ASCC3: variants seen among roughly 807,000 people sequenced by gnomAD.
ASCC3 encodes ASC-1 complex subunit P200.
Under a neutral mutation model 256.3 loss-of-function variants are expected in ASCC3, and 158 were observed. The observed-to-expected ratio is 0.62, with a 90% CI of 0.54 to 0.70. The LOEUF (loss-of-function observed/expected upper bound fraction) is 0.70. Among genes scored for constraint, ASCC3 ranks in the 30% least tolerant of loss-of-function variants. The pLI, the probability that ASCC3 is intolerant of heterozygous loss-of-function variation, is 0.00. For missense variants in ASCC3, 2,259 were observed against 2,626.0 expected (o/e 0.86, Z 3.05); for synonymous variants, 948 against 883.4 (o/e 1.07, Z -1.30).
chr6:100,818,815 T>TA (rs1328151451), intron 4 of ASCC3, among the ~76,000 whole-genome samples: 122 of 54,220 alleles, frequency 2.3e-3, no homozygotes, highest in African/African-American at 8.2e-3. Context: ...AAACTACATA[T>TA]AAAAAAAACC....
intron 13 of ASCC3, among the ~76,000 whole-genome samples, chr6:100,703,226 G>A (rs1778426278): frequency 6.6e-6 from 1 of 152,018 alleles, no homozygotes; most frequent in Admixed American, 6.6e-5. Context: ...AAAAACGTAA[G>A]AGGACAATAA....
At chr6:100,798,272 G>T (rs1474914280) in intron 8 of ASCC3, among the ~76,000 whole-genome samples, 1 of 151,956 alleles carries the variant, frequency 6.6e-6, no homozygotes, top group Non-Finnish European at 1.5e-5. Flanking sequence ...TAATATTCAT[G>T]CCAATTTTCC....
intron 8 of ASCC3, among the ~76,000 whole-genome samples, chr6:100,768,322 A>C (rs1781763085): frequency 6.6e-6 from 1 of 152,152 alleles, no homozygotes; most frequent in Admixed American, 6.5e-5. Flanking sequence ...AGAGCGGTTA[A>C]ATAATTTTTA....
At chr6:100,852,115 C>A (rs1363652233) in intron 3 of ASCC3, among the ~76,000 whole-genome samples, 3 of 152,176 alleles carry the variant, frequency 2.0e-5, no homozygotes, top group African/African-American at 7.2e-5. Context: ...AAGGATGCAC[C>A]ACAGCTTGCT....
intron 36 of ASCC3, among the ~76,000 whole-genome samples, chr6:100,544,017 C>G (rs913968243): frequency 2.8e-4 from 43 of 152,142 alleles, no homozygotes; most frequent in African/African-American, 9.9e-4. Flanking sequence ...CAATGACAGA[C>G]AGATCTCTGG....
chr6:100,678,752 G>T (rs570601783), intron 14 of ASCC3, among the ~76,000 whole-genome samples: 2 of 151,972 alleles, frequency 1.3e-5, no homozygotes, highest in Non-Finnish European at 2.9e-5. Flanking sequence ...TACTTTTTCT[G>T]CAAAGAAACA....
chr6:100,805,612 A>T, intron 5 of ASCC3, 148 bp downstream of exon 5: 1 of 1,007,546 alleles, frequency 9.9e-7, no homozygotes, highest in Non-Finnish European at 1.4e-6. Context: ...TTTTCATAAT[A>T]TGCCATATCT....
chr6:100,649,261 T>C (rs1003546900), intron 20 of ASCC3, among the ~76,000 whole-genome samples: 2 of 151,772 alleles, frequency 1.3e-5, no homozygotes, highest in Admixed American at 1.3e-4. Context: ...CTTCATAATC[T>C]TGAAGCAAGC....
At position 100,806,569 on chromosome 6, in the gene ASCC3, G is replaced by A. The variant is rs567727358; in HGVS notation, c.802-689C>T. 9.2e-5 allele frequency among the ~76,000 whole-genome samples: 14 copies of A among 151,742 alleles called. No individual in the cohort carries two copies. The South Asian group carries it at 2.9e-3, about 32-fold the overall frequency. On this transcript the variant is annotated intron_variant, in intron 4 of 41. Coordinates refer to ENST00000369162, the MANE Select transcript of ASCC3 (RefSeq NM_006828.4). ...TCTAGGTTTCCGCGAGTATGATCTGGGAAGATACATGTATATATTTCTTGT... is the reference window on the plus strand; with the variant it reads ...TCTAGGTTTCCGCGAGTATGATCTGAGAAGATACATGTATATATTTCTTGT...
At chr6:100,664,837 A>C (rs1481242708) in intron 14 of ASCC3, among the ~76,000 whole-genome samples, 2 of 152,186 alleles carry the variant, frequency 1.3e-5, no homozygotes, top group Non-Finnish European at 2.9e-5. Context: ...TCTAATATTC[A>C]AGAGTGGATA....
chr6:100,800,814 T>C (rs1170131090), intron 5 of ASCC3, among the ~76,000 whole-genome samples: 1 of 151,686 alleles, frequency 6.6e-6, no homozygotes, highest in African/African-American at 2.4e-5. Flanking sequence ...TCATTTGAAA[T>C]AATTTGTTTA....
At chr6:100,523,673 C>T (rs545272302) in intron 37 of ASCC3, among the ~76,000 whole-genome samples, 1 of 152,158 alleles carries the variant, frequency 6.6e-6, no homozygotes, top group South Asian at 2.1e-4. Flanking sequence ...ATTTCCTACG[C>T]ATAACAGGCT....
intron 17 of ASCC3, 32 bp downstream of exon 17, chr6:100,655,667 T>G: frequency 6.2e-7 from 1 of 1,604,062 alleles, no homozygotes; most frequent in Non-Finnish European, 8.5e-7. Flanking sequence ...AAAGAAGGTC[T>G]GAATTTTTTT....
At chr6:100,509,854 C>G (rs1309264119) in intron 41 of ASCC3, 78 bp downstream of exon 41, 70 of 1,455,780 alleles carry the variant, frequency 4.8e-5, no homozygotes, top group Non-Finnish European at 6.5e-5. Flanking sequence ...CGCCACTGCA[C>G]TCCAGCCTGG....
At chr6:100,858,134 T>C (rs537604315) in intron 3 of ASCC3, 4,075 of 226,444 alleles carry the variant, frequency 0.018, 38 homozygotes, top group Non-Finnish European at 0.023. Context: ...GTAAAATAAA[T>C]TAAAATTTTA....
At chr6:100,828,386 C>G (rs1771436317) in intron 4 of ASCC3, among the ~76,000 whole-genome samples, 1 of 152,070 alleles carries the variant, frequency 6.6e-6, no homozygotes, top group African/African-American at 2.4e-5. Flanking sequence ...AGATACATTC[C>G]AAGACTTCCA....
intron 8 of ASCC3, among the ~76,000 whole-genome samples, chr6:100,773,474 T>G (rs1782036056): frequency 6.6e-6 from 1 of 152,204 alleles, no homozygotes. Context: ...AAGCAATTTC[T>G]GGTTCTCTCC....
Position 100,723,923 on chromosome 6 carries a change from A to T in ASCC3, c.1902+1616T>A, listed in dbSNP as rs1286225546. ...TTATAATTATATATATGACACATAT[A>T]TATAATATATATATATACACACACA... On this transcript the variant is annotated intron_variant, in intron 11 of 41. Coordinates refer to ENST00000369162, the MANE Select transcript of ASCC3 (RefSeq NM_006828.4). Among the ~76,000 whole-genome samples the T allele has an allele frequency of 2.1e-5, 3 of 142,660 alleles. No individual in the cohort carries two copies. In the East Asian group the frequency reaches 6.2e-4, roughly 29 times the overall value. The allele number at this position is 142,660 out of a possible 152,430, so 93.6% of individuals were successfully genotyped here. A position where few individuals can be genotyped will look rare whatever the true frequency, so the allele number is the denominator to read the frequency against.
At chr6:100,704,282 G>C (rs145629113) in intron 13 of ASCC3, among the ~76,000 whole-genome samples, 47 of 151,990 alleles carry the variant, frequency 3.1e-4, no homozygotes, top group African/African-American at 1.1e-3. Context: ...TTCGACTCTA[G>C]CTTTTATATT....
Sources: allele counts gnomAD v4.1 joint callset (sites outside exome capture counted in the v4.1 genomes callset), GRCh38; gene constraint gnomAD v4.1.1; transcripts MANE v1.5; gene names NCBI Gene and HGNC (gene_info 2026-07-23, HGNC 2026-07-21).